LLGL2: variants seen among roughly 807,000 people sequenced by gnomAD.
The protein encoded by LLGL2 is LLGL2, scribble cell polarity complex component.
In LLGL2, 81 loss-of-function variants were observed where a neutral mutation model predicts 123.2. The ratio of observed to expected loss-of-function variants is 0.66; its 90% CI spans 0.55 to 0.79. The LOEUF is 0.79. LLGL2 is among the 30% of genes least tolerant of loss of function. LLGL2 has a pLI of 0.00. For missense variants in LLGL2, 1,273 were observed against 1,414.6 expected (o/e 0.90, Z 1.61); for synonymous variants, 577 against 594.1 (o/e 0.97, Z 0.42).
chr17:75,569,994 C>T lies in LLGL2; in HGVS notation c.1613C>T (p.Ala538Val), dbSNP rs2147536812. The change falls in exon 15 of 26, where the codon GCG (alanine) becomes GTG (valine). Residue 538 changes from alanine (A) to valine (V), a missense_variant. Ala to Val is a moderately conservative substitution (Grantham distance 64, BLOSUM62 0). Coordinates refer to ENST00000392550, the MANE Select transcript of LLGL2 (RefSeq NM_001031803.2). ...VLVLELNDEA[A>V]EQAVEQVEAD... Reference sequence around the variant, plus strand: ...GTACTGGAACTGAATGACGAGGCAGCGGAGCAGGCTGTGGAGCAGGTGGAG... The same window carrying T: ...GTACTGGAACTGAATGACGAGGCAGTGGAGCAGGCTGTGGAGCAGGTGGAG... 3.1e-6 allele frequency: 5 copies of T among 1,605,984 alleles called. No homozygotes were observed. The highest frequency in any genetic ancestry group is 4.5e-5 in the East Asian group (2 of 44,746).
chr17:75,568,708 GGCCCCA>G lies in LLGL2; in HGVS notation c.1254+28_1254+33del. On this transcript the variant is annotated intron_variant, in intron 11 of 25. Transcript: ENST00000392550. ...TCTCCACCATGGTAGGTCTGGCCCT[GGCCCCA>G]GCCCCAGCCCCACCGCAAGCCAAAC... The G allele has an allele frequency of 1.9e-6, 3 of 1,613,740 alleles. No homozygotes were observed. Among genetic ancestry groups the G allele is most frequent in the Non-Finnish European group, 2.5e-6 (3 of 1,179,916 alleles).
chr17:75,574,504 C>T lies in LLGL2; in HGVS notation c.2996+9C>T. The T allele has an allele frequency of 1.9e-6, 3 of 1,563,470 alleles. No homozygotes were observed. The highest frequency in any genetic ancestry group is 1.9e-5 in the Admixed American group (1 of 52,386). ...CTGGAGGGAGACCGCGGGTGAGGCA[C>T]CGCCCAGGCCAGCTGGGGTGGGCCC... On this transcript the variant is annotated intron_variant, in intron 24 of 25. Transcript: ENST00000392550.
At chr17:75,535,650 G>A (rs904354035) in intron 1 of LLGL2, among the ~76,000 whole-genome samples, 6 of 152,224 alleles carry the variant, frequency 3.9e-5, no homozygotes, top group South Asian at 2.1e-4. Context: ...CCTCTCCTCC[G>A]AGGCACAATC....
intron 1 of LLGL2, among the ~76,000 whole-genome samples, chr17:75,541,351 C>G (rs2054198141): frequency 6.6e-6 from 1 of 152,240 alleles, no homozygotes. Flanking sequence ...AGGAGTCCAA[C>G]TGGTTTATGA....
intron 8 of LLGL2, 107 bp from the exon 9 acceptor site, chr17:75,563,645 A>AT: frequency 7.4e-6 from 11 of 1,486,882 alleles, no homozygotes; most frequent in Non-Finnish European, 9.4e-6. Context: ...TCCCAAGCAC[A>AT]GGTCTACCAT....
In LLGL2 at chr17:75,559,189, C is replaced by T. The variant is rs921516425; in HGVS notation, c.372-63C>T. 8 of 1,488,638 alleles carry T rather than the reference C, an allele frequency of 5.4e-6. No homozygotes were observed. The highest frequency in any genetic ancestry group is 2.8e-5 in the African/African-American group (2 of 70,978). The allele number at this position is 1,488,638 out of a possible 1,614,324, so 92.2% of individuals were successfully genotyped here. A position where few individuals can be genotyped will look rare whatever the true frequency, so the allele number is the denominator to read the frequency against. ...CTTGTTTTCCGAGGAGTCAGGGGAC[C>T]CCGTCCATGGCATCTCCCCTGCTGG... On this transcript the variant is annotated intron_variant, in intron 5 of 25. Coordinates refer to ENST00000392550, the MANE Select transcript of LLGL2 (RefSeq NM_001031803.2). This position sits in a 1 kb window ranked among gnomAD's most constrained non-coding sequence, Gnocchi z 4.6.
At chr17:75,565,305 G>A (rs891527147) in intron 10 of LLGL2, among the ~76,000 whole-genome samples, 1 of 152,234 alleles carries the variant, frequency 6.6e-6, no homozygotes, top group Non-Finnish European at 1.5e-5. Context: ...CCCTGCAGGA[G>A]CTCTCCAGGA....
Position 75,549,841 on chromosome 17 carries a change from C to T in LLGL2, c.76-6205C>T, listed in dbSNP as rs1487402862. 2.0e-5 allele frequency among the ~76,000 whole-genome samples: 3 copies of T among 152,236 alleles called. No homozygotes were observed. The East Asian group carries it at 5.8e-4, about 29-fold the overall frequency. On this transcript the variant is annotated intron_variant, in intron 2 of 25. Coordinates refer to ENST00000392550, the MANE Select transcript of LLGL2 (RefSeq NM_001031803.2). This position sits in a 1 kb window ranked among gnomAD's most constrained non-coding sequence, Gnocchi z 4.0. ...ACTGTCTCTGACAGCCAGCCTTTGC[C>T]CACTCGCTCCCCTTCCGGGACCTGG...
chr17:75,568,375 G>A, intron 10 of LLGL2, 101 bp from the exon 11 acceptor site: 10 of 1,478,710 alleles, frequency 6.8e-6, no homozygotes, highest in Non-Finnish European at 8.9e-6. Flanking sequence ...AGGGCTTTCT[G>A]GATCTGCAGA....
rs1393744112 is a variant in LLGL2, at chr17:75,574,862, G to A, written c.3056-9G>A. 3.1e-6 allele frequency: 5 copies of A among 1,613,910 alleles called. No individual in the cohort carries two copies. Among genetic ancestry groups the A allele is most frequent in the Non-Finnish European group, 4.2e-6 (5 of 1,179,970 alleles). On this transcript the variant is annotated splice_polypyrimidine_tract_variant and intron_variant, in intron 25 of 25. Transcript: ENST00000392550. The stretch of plus-strand genomic sequence containing the variant: ...GGGTGATCTTGAGCTGTCCCTCTGT[G>A]TCCTTCAGCAGAGTGAGTGGCTGAG...
Position 75,536,318 on chromosome 17 carries a change from G to A in LLGL2, c.-30-7079G>A, listed in dbSNP as rs563921672. Among the ~76,000 whole-genome samples the A allele has an allele frequency of 1.4e-3, 209 of 152,282 alleles. 1 individual carries two copies. The highest frequency in any genetic ancestry group is 1.2e-3 in the Non-Finnish European group (81 of 68,006). ...TTGTCTCTTCTCCACATTCCTCCCAGGTGTGTCACTTAAGTGCACAGCACC... is the reference window on the plus strand; with the variant it reads ...TTGTCTCTTCTCCACATTCCTCCCAAGTGTGTCACTTAAGTGCACAGCACC... On this transcript the variant is annotated intron_variant, in intron 1 of 25. Transcript: ENST00000392550.
In LLGL2 at chr17:75,536,368, T is replaced by C. The variant is rs149106359; in HGVS notation, c.-30-7029T>C. Among the ~76,000 whole-genome samples the C allele has an allele frequency of 9.9e-3, 1,515 of 152,306 alleles. 20 individuals carry two copies. The highest frequency in any genetic ancestry group is 0.031 in the African/African-American group (1,274 of 41,564). The stretch of plus-strand genomic sequence containing the variant: ...CTGAGAGTTTGCCAAGCCCGCTCCC[T>C]GGCCCTGCTTTAAAGCCTCGGGACG... On this transcript the variant is annotated intron_variant, in intron 1 of 25. Transcript: ENST00000392550.
chr17:75,574,109 AGCCCTGG>A lies in LLGL2; in HGVS notation c.2906-94_2906-88del, dbSNP rs760867818. 7 of 1,542,378 alleles carry A rather than the reference AGCCCTGG, an allele frequency of 4.5e-6. No homozygotes were observed. The South Asian group carries it at 8.4e-5, about 18-fold the overall frequency. ...TGGGAATAGAGACGGCATTCCTTCC[AGCCCTGG>A]GCCCTGGGCTTCCACATCCTGACCT... On this transcript the variant is annotated intron_variant, in intron 22 of 25. Coordinates refer to ENST00000392550, the MANE Select transcript of LLGL2 (RefSeq NM_001031803.2).
At chr17:75,546,198 G>T (rs145904171) in intron 2 of LLGL2, 2 of 152,600 alleles carry the variant, frequency 1.3e-5, no homozygotes, top group Non-Finnish European at 2.9e-5. Flanking sequence ...GGCCTTGGGA[G>T]GGGGAGCCCA....
At chr17:75,540,716 G>A (rs77726315) in intron 1 of LLGL2, among the ~76,000 whole-genome samples, 4 of 152,168 alleles carry the variant, frequency 2.6e-5, no homozygotes, top group Non-Finnish European at 4.4e-5. Flanking sequence ...GAGTTCTGCC[G>A]CTTCCTACTT....
chr17:75,562,727 C>G, intron 6 of LLGL2: 1 of 404,480 alleles, frequency 2.5e-6, no homozygotes, highest in Non-Finnish European at 4.6e-6. Context: ...TGCCACCACG[C>G]CCAGCTAATG....
At chr17:75,555,979 C>G (rs184568638) in intron 2 of LLGL2, 67 bp from the exon 3 acceptor site, 1 of 1,276,534 alleles carries the variant, frequency 7.8e-7, no homozygotes, top group African/African-American at 1.5e-5. Context: ...GGTGCTGCAG[C>G]TGCAGCAGCC....
In LLGL2 at chr17:75,544,605, T is replaced by A. The variant is rs1005072822; in HGVS notation, c.75+1104T>A. Among the ~76,000 whole-genome samples the A allele has an allele frequency of 1.3e-5, 2 of 152,180 alleles. No individual in the cohort carries two copies. The highest frequency in any genetic ancestry group is 4.8e-5 in the African/African-American group (2 of 41,444). On this transcript the variant is annotated intron_variant, in intron 2 of 25. Transcript: ENST00000392550. The surrounding 1 kb of genome is among the most constrained non-coding windows in gnomAD (Gnocchi z 4.2). ...AGGGCGTACGTGGGGTGAGGTAACT[T>A]AAGTGCTAGGCACAGTGGCCCAGGA...
At chr17:75,563,243 A>G in intron 7 of LLGL2, 65 bp downstream of exon 7, 1 of 1,608,522 alleles carries the variant, frequency 6.2e-7, no homozygotes, top group Admixed American at 1.7e-5. Context: ...TGGCACATAC[A>G]CACTGTGCAG....
Sources: allele counts gnomAD v4.1 joint callset (sites outside exome capture counted in the v4.1 genomes callset), GRCh38; gene constraint gnomAD v4.1.1; non-coding constraint Gnocchi (gnomAD v3.1); transcripts MANE v1.5; gene names NCBI Gene and HGNC (gene_info 2026-07-23, HGNC 2026-07-21).